The following ETFA variants were observed in gnomAD, a reference collection of about 807,000 sequenced individuals.
ETFA encodes the protein electron transfer flavoprotein subunit alpha.
In ETFA, 22 loss-of-function variants were observed where a neutral mutation model predicts 46.2. That is an observed-to-expected ratio of 0.48 (90% CI 0.34 to 0.68). The LOEUF (loss-of-function observed/expected upper bound fraction) is 0.68, where lower values mean the gene tolerates loss of function less well. Among genes scored for constraint, ETFA ranks in the 30% least tolerant of loss-of-function variants. The pLI is 0.01. For missense variants in ETFA, 345 were observed against 401.1 expected, an observed-to-expected ratio of 0.86 and a Z score of 1.19; for synonymous variants, 131 against 139.9, an observed-to-expected ratio of 0.94 and a Z score of 0.45.
intron 1 of ETFA, among the ~76,000 whole-genome samples, chr15:76,306,645 A>T (rs997569331): frequency 6.6e-6 from 1 of 152,188 alleles, no homozygotes; most frequent in Non-Finnish European, 1.5e-5. Context: ...CAAAAGGATA[A>T]TATATAAAGT....
intron 9 of ETFA, among the ~76,000 whole-genome samples, chr15:76,233,043 G>A (rs139566049): frequency 1.3e-5 from 2 of 152,302 alleles, no homozygotes; most frequent in African/African-American, 4.8e-5. Flanking sequence ...GAATCAACTT[G>A]TTCTATAGTT....
rs1164311962 is a variant in ETFA at position 76,215,789 on chromosome 15, T to A, written c.*770A>T. The A allele has an allele frequency of 6.6e-6, 1 of 152,376 alleles. No homozygotes were observed. The highest frequency in any genetic ancestry group is 1.9e-4 in the East Asian group (1 of 5,178). 9.4% of individuals were successfully genotyped at this position (152,376 alleles called of 1,614,324 possible). Reference sequence around the variant, plus strand: ...AGAAGGCAAAAGAAAGGCTAGAGCATTCTCTGCACAGGATTTTGAATGTTT... The same window carrying A: ...AGAAGGCAAAAGAAAGGCTAGAGCAATCTCTGCACAGGATTTTGAATGTTT... On this transcript the variant is annotated 3_prime_UTR_variant, in exon 12 of 12. Coordinates refer to ENST00000557943, the MANE Select transcript of ETFA (RefSeq NM_000126.4).
intron 5 of ETFA, 136 bp from the exon 6 acceptor site, chr15:76,286,617 T>C (rs759367661): frequency 7.4e-5 from 51 of 685,256 alleles, no homozygotes; most frequent in South Asian, 6.5e-5. Flanking sequence ...CTATTAAGTA[T>C]AGGAAAAAAT....
At chr15:76,288,588 C>T (rs148692857) in intron 4 of ETFA, among the ~76,000 whole-genome samples, 144 of 151,948 alleles carry the variant, frequency 9.5e-4, no homozygotes, top group African/African-American at 3.4e-3. Flanking sequence ...TGCCTGTAGT[C>T]CCAGCTACTC....
At chr15:76,295,459 G>A (rs913356259) in intron 2 of ETFA, 132 bp downstream of exon 2, 15 of 795,878 alleles carry the variant, frequency 1.9e-5, no homozygotes, top group East Asian at 1.7e-4. Flanking sequence ...GGTAATGGTT[G>A]TGACACTGAC....
rs139584557 is a variant in ETFA, at chr15:76,278,243, A to G, written c.734-3749T>C. Among the ~76,000 whole-genome samples the G allele has an allele frequency of 5.2e-3, 794 of 152,182 alleles. 8 individuals carry two copies. The highest frequency in any genetic ancestry group is 0.018 in the African/African-American group (734 of 41,516). On this transcript the variant is annotated intron_variant, in intron 8 of 11. Transcript: ENST00000557943. ...GACATTTTCTTTACCAAGATTGCTT[A>G]ATACTCCCAATTTTCAGCGTCTTTC...
intron 8 of ETFA, 100 bp from the exon 9 acceptor site, chr15:76,274,594 TAAGTAC>T: frequency 2.2e-6 from 2 of 919,892 alleles, no homozygotes; most frequent in Non-Finnish European, 3.5e-6. Flanking sequence ...TTTAGAATTC[TAAGTAC>T]TAGTATATTT....
At chr15:76,260,201 G>T in intron 9 of ETFA, 3 of 1,245,014 alleles carry the variant, frequency 2.4e-6, no homozygotes, top group Non-Finnish European at 3.5e-6. Context: ...CCTTTAGTTC[G>T]CTGTTGATGC....
In ETFA at chr15:76,216,748, TCTC is replaced by T. The variant is rs934455272; in HGVS notation, c.964-154_964-152del. 4.7e-6 allele frequency: 3 copies of T among 635,906 alleles called. No individual in the cohort carries two copies. In the African/African-American group the frequency reaches 5.5e-5, roughly 12 times the overall value. 39.4% of individuals were successfully genotyped at this position (635,906 alleles called of 1,614,324 possible). ...CTCCTCTCCACCAGGAACCCCCTGT[TCTC>T]CGGTAGTCTCTCTTCCCACCCAGGG... On this transcript the variant is annotated intron_variant, in intron 11 of 11. Transcript: ENST00000557943.
At chr15:76,259,199 C>A in intron 9 of ETFA, 1 of 1,538,260 alleles carries the variant, frequency 6.5e-7, no homozygotes. Flanking sequence ...CGCTAGGCAG[C>A]TCCAGGCTGC....
At position 76,311,351 on chromosome 15, in the gene ETFA, G is replaced by T; in HGVS notation, c.38C>A (p.Ala13Glu). The change falls in exon 1 of 12, where the codon GCG becomes GAG. Residue 13 changes from alanine to glutamate, a missense_variant and splice_region_variant. Coordinates refer to ENST00000557943, the MANE Select transcript of ETFA (RefSeq NM_000126.4). Reference protein sequence around the residue: ...RAAAPGQLRRAASLLRFQSTL... With the variant: ...RAAAPGQLRREASLLRFQSTL... ...TTCGCCTTCCCAGTCCGGACTCACC[G>T]CCCGCCGGAGCTGCCCCGGAGCCGC... 6.4e-7 allele frequency: 1 copy of T among 1,557,462 alleles called. No homozygotes were observed. Among genetic ancestry groups the T allele is most frequent in the Non-Finnish European group, 8.7e-7 (1 of 1,151,290 alleles).
intron 8 of ETFA, among the ~76,000 whole-genome samples, chr15:76,281,758 C>G (rs537904929): frequency 5.9e-5 from 9 of 151,970 alleles, no homozygotes; most frequent in Non-Finnish European, 1.0e-4. Context: ...AATGGCCCCT[C>G]CAATGATATA....
intron 1 of ETFA, among the ~76,000 whole-genome samples, chr15:76,306,154 C>T (rs568212222): frequency 6.6e-6 from 1 of 152,014 alleles, no homozygotes; most frequent in East Asian, 1.9e-4. Context: ...CCCTTACAAA[C>T]CCACTCATAA....
At chr15:76,260,739 G>A (rs920384639) in intron 9 of ETFA, 28 of 1,605,826 alleles carry the variant, frequency 1.7e-5, no homozygotes, top group African/African-American at 2.7e-5. Context: ...GGGAGCGCTG[G>A]CTGGGGCTAG....
intron 1 of ETFA, 59 bp downstream of exon 1, chr15:76,311,291 T>C (rs2039995158): frequency 6.5e-7 from 1 of 1,535,472 alleles, no homozygotes; most frequent in African/African-American, 1.4e-5. Flanking sequence ...CAAGACCCCA[T>C]AGGGACGGCG....
rs2141543739 is a variant in ETFA, at chr15:76,295,621, G to A, written c.156C>T (p.Ser52=). 1 of 1,613,824 alleles carries A rather than the reference G, an allele frequency of 6.2e-7. No homozygotes were observed. Among genetic ancestry groups the A allele is most frequent in the Non-Finnish European group, 8.5e-7 (1 of 1,179,886 alleles). Residue 52 remains serine, a synonymous_variant, in exon 2 of 12, where the codon TCC becomes TCT. Coordinates refer to ENST00000557943, the MANE Select transcript of ETFA (RefSeq NM_000126.4). ...CACATTTGGTTCCAGCTACTAAGCAGGACACTTCACCTCCAAGGCGTGTGG... is the reference window on the plus strand; with the variant it reads ...CACATTTGGTTCCAGCTACTAAGCAAGACACTTCACCTCCAAGGCGTGTGG... ...TAATRLGGEV[S]CLVAGTKCDK...
intron 1 of ETFA, among the ~76,000 whole-genome samples, chr15:76,305,513 A>C (rs965731410): frequency 3.3e-5 from 5 of 152,214 alleles, no homozygotes; most frequent in Admixed American, 2.6e-4. Flanking sequence ...GAAGTTCTCT[A>C]TACTCTGTTT....
intron 9 of ETFA, among the ~76,000 whole-genome samples, chr15:76,256,842 A>C (rs1350482847): frequency 1.3e-5 from 2 of 152,338 alleles, no homozygotes; most frequent in East Asian, 3.9e-4. Flanking sequence ...TAGATACACA[A>C]ATACTATTTT....
intron 1 of ETFA, among the ~76,000 whole-genome samples, chr15:76,304,952 T>C (rs1023499999): frequency 6.7e-6 from 1 of 149,992 alleles, no homozygotes; most frequent in East Asian, 2.0e-4. Context: ...CTGAGGCAGA[T>C]GAATGGCGTG....
Sources: gnomAD v4.1 joint callset for allele counts (sites outside exome capture counted in the v4.1 genomes callset) on GRCh38, gnomAD v4.1.1 for gene constraint, MANE v1.5 for transcripts, NCBI Gene and HGNC (gene_info 2026-07-23, HGNC 2026-07-21) for gene names.